C8A: variants seen among roughly 807,000 people sequenced by gnomAD.
The protein encoded by C8A is complement component C8 alpha chain.
C8A carries 67 observed loss-of-function variants against 65.3 expected under a neutral mutation model. The ratio of observed to expected loss-of-function variants is 1.03; its 90% confidence interval spans 0.84 to 1.26. C8A has a LOEUF of 1.26. Among genes scored for constraint, C8A ranks in the 50% most tolerant of loss-of-function variants. C8A has a pLI of 0.00. For missense variants in C8A, 781 were observed against 723.9 expected (o/e 1.08, Z -0.90); for synonymous variants, 290 against 259.4 (o/e 1.12, Z -1.13).
intron 2 of C8A, among the ~76,000 whole-genome samples, chr1:56,868,445 CA>C (rs920802231): frequency 1.6e-4 from 25 of 151,578 alleles, no homozygotes; most frequent in Non-Finnish European, 2.4e-4. Flanking sequence ...TTAGTCTCTA[CA>C]AAAAATACAC....
intron 7 of C8A, among the ~76,000 whole-genome samples, chr1:56,891,878 C>T (rs1160247592): frequency 6.6e-6 from 1 of 152,020 alleles, no homozygotes; most frequent in Non-Finnish European, 1.5e-5. Flanking sequence ...TATTTAAGTG[C>T]ATATTATAAT....
Position 56,881,453 on chromosome 1 carries a change from T to G in C8A, c.473T>G (p.Ile158Ser). The G allele has an allele frequency of 6.2e-7, 1 of 1,613,630 alleles. No homozygotes were observed. The highest frequency in any genetic ancestry group is 8.5e-7 in the Non-Finnish European group (1 of 1,179,652). ...TGCTTTGTTCCATGTAGGTACAATA[T>G]CCTGACCCAGGAAGATGCTCAGAGT... is the stretch of plus-strand genomic sequence containing the variant. ...GSQKAALGYN[I>S]LTQEDAQSVY... The change falls in exon 5 of 11, where the codon ATC becomes AGC. Residue 158 changes from isoleucine (I) to serine (S), a missense_variant. By Grantham distance (142) the Ile-to-Ser change is moderately radical. Coordinates refer to ENST00000361249, the MANE Select transcript of C8A (RefSeq NM_000562.3).
intron 2 of C8A, among the ~76,000 whole-genome samples, chr1:56,871,335 A>G (rs984224785): frequency 1.3e-5 from 2 of 152,190 alleles, no homozygotes; most frequent in Non-Finnish European, 2.9e-5. Context: ...ACCGCTCCAC[A>G]CTACTGCCTC....
rs754227627 is a variant in C8A at position 56,912,418 on chromosome 1, G to A, written c.1396G>A (p.Glu466Lys). The change falls in exon 10 of 11, where the codon GAG becomes AAG. Residue 466 changes from glutamate (E) to lysine (K), a missense_variant. Coordinates refer to ENST00000361249, the MANE Select transcript of C8A (RefSeq NM_000562.3). ...GTGCCCACAGATGCAGCCTATCCACGAGGTGCTGCGGCACACAAGCCTGGG... is the reference window on the plus strand; with the variant it reads ...GTGCCCACAGATGCAGCCTATCCACAAGGTGCTGCGGCACACAAGCCTGGG... ...VIDFEMQPIH[E>K]VLRHTSLGPL... 16 of 1,614,024 alleles carry A rather than the reference G, an allele frequency of 9.9e-6. No individual in the cohort carries two copies. Among genetic ancestry groups the A allele is most frequent in the African/African-American group, 2.7e-5 (2 of 74,930 alleles).
chr1:56,873,497 G>T (rs1474590179), intron 2 of C8A, among the ~76,000 whole-genome samples: 1 of 152,124 alleles, frequency 6.6e-6, no homozygotes, highest in African/African-American at 2.4e-5. Context: ...TCTGTCAACT[G>T]CAGGACACAG....
At chr1:56,872,013 C>T (rs531682858) in intron 2 of C8A, among the ~76,000 whole-genome samples, 1 of 152,262 alleles carries the variant, frequency 6.6e-6, no homozygotes, top group African/African-American at 2.4e-5. Flanking sequence ...ACTGTGAACT[C>T]ATCACCCCAT....
chr1:56,886,817 T>C (rs1235264468), intron 7 of C8A, among the ~76,000 whole-genome samples: 1 of 152,210 alleles, frequency 6.6e-6, no homozygotes, highest in South Asian at 2.1e-4. Flanking sequence ...GAATAAAGAC[T>C]ATTAGCATCG....
intron 4 of C8A, among the ~76,000 whole-genome samples, chr1:56,879,343 A>G (rs1644229013): frequency 6.6e-6 from 1 of 152,358 alleles, no homozygotes; most frequent in African/African-American, 2.4e-5. Flanking sequence ...ATTTCTGCAT[A>G]GTAGATTTCC....
rs1644565877 is a variant in C8A, at chr1:56,917,793, A to G, written c.*77A>G. The G allele has an allele frequency of 6.4e-6, 10 of 1,555,268 alleles. No homozygotes were observed. Among genetic ancestry groups the G allele is most frequent in the African/African-American group, 1.4e-5 (1 of 73,808 alleles). On this transcript the variant is annotated 3_prime_UTR_variant, in exon 11 of 11. Transcript: ENST00000361249. Reference sequence around the variant, plus strand: ...TGACTATTGGATAAAGACTTCTTTCAACTAAGAGAAGATGCAAATCAGCAC... The same window carrying G: ...TGACTATTGGATAAAGACTTCTTTCGACTAAGAGAAGATGCAAATCAGCAC...
intron 4 of C8A, among the ~76,000 whole-genome samples, chr1:56,878,525 T>C (rs140916683): frequency 1.1e-3 from 167 of 152,314 alleles, no homozygotes; most frequent in Middle Eastern, 3.4e-3. Flanking sequence ...CACTGAATAC[T>C]GAAACTGGTA....
At chr1:56,897,903 A>G (rs527728286) in intron 7 of C8A, among the ~76,000 whole-genome samples, 1 of 152,292 alleles carries the variant, frequency 6.6e-6, no homozygotes, top group East Asian at 1.9e-4. Context: ...AGAAATGTGC[A>G]GTCAGTTGGG....
At chr1:56,896,624 T>A (rs1044434285) in intron 7 of C8A, among the ~76,000 whole-genome samples, 7 of 152,222 alleles carry the variant, frequency 4.6e-5, no homozygotes, top group Admixed American at 1.3e-4. Flanking sequence ...TTTAAATGTT[T>A]ATCTCACCCA....
intron 3 of C8A, among the ~76,000 whole-genome samples, chr1:56,875,773 C>G (rs921841142): frequency 6.6e-6 from 1 of 151,996 alleles, no homozygotes; most frequent in African/African-American, 2.4e-5. Context: ...AATGGAGAAC[C>G]ACTGGAGGAT....
In C8A at chr1:56,854,851, T is replaced by C. The variant is rs774336945; in HGVS notation, c.-51T>C. 2 of 1,510,318 alleles carry C rather than the reference T, an allele frequency of 1.3e-6. No homozygotes were observed. The highest frequency in any genetic ancestry group is 1.8e-6 in the Non-Finnish European group (2 of 1,091,584). The allele number at this position is 1,510,318 out of a possible 1,614,324, so 93.6% of individuals were successfully genotyped here. On this transcript the variant is annotated 5_prime_UTR_variant, in exon 1 of 11. Coordinates refer to ENST00000361249, the MANE Select transcript of C8A (RefSeq NM_000562.3). ...ACATCTTTTACTCCAATTTCCTGAA[T>C]AGATAGCTTTATTCCTTCAAGGTAA...
rs1644250046 is a variant in C8A, at chr1:56,881,694, C to A, written c.654+60C>A. ...GGTGTAGGTGGCAGAGAGGCAGAGGCCTATTTGTGGAGATGACTTGCTCTG... is the reference window on the plus strand; with the variant it reads ...GGTGTAGGTGGCAGAGAGGCAGAGGACTATTTGTGGAGATGACTTGCTCTG... On this transcript the variant is annotated intron_variant, in intron 5 of 10. Transcript: ENST00000361249. 9.4e-6 allele frequency: 14 copies of A among 1,490,534 alleles called. No individual in the cohort carries two copies. The South Asian group carries it at 1.2e-4, about 13-fold the overall frequency. 92.3% of individuals were successfully genotyped at this position (1,490,534 alleles called of 1,614,324 possible).
intron 6 of C8A, among the ~76,000 whole-genome samples, chr1:56,885,399 AAT>A (rs1275980060): frequency 5.5e-5 from 6 of 108,994 alleles, no homozygotes; most frequent in South Asian, 6.4e-4. Context: ...TATTTAAATA[AAT>A]ATATATTTAT....
chr1:56,885,496 A>ATATATTTATTTAAATATATATT (rs1310578372), intron 6 of C8A, among the ~76,000 whole-genome samples: 31 of 111,486 alleles, frequency 2.8e-4, no homozygotes, highest in East Asian at 7.8e-4. Flanking sequence ...ATTTACGTAA[A>ATATATTTATTTAAATATATATT]TACATATATA....
chr1:56,900,901 T>C (rs558610522), intron 7 of C8A, among the ~76,000 whole-genome samples: 7 of 152,254 alleles, frequency 4.6e-5, no homozygotes, highest in African/African-American at 1.7e-4. Flanking sequence ...CTAAATACTA[T>C]GCTGGAGAGA....
At chr1:56,862,219 C>T (rs563172843) in intron 1 of C8A, among the ~76,000 whole-genome samples, 30 of 152,270 alleles carry the variant, frequency 2.0e-4, no homozygotes, top group Middle Eastern at 3.4e-3. Flanking sequence ...GTCTTGCAAA[C>T]GATTTTCCCT....
Sources: gnomAD v4.1 joint callset for allele counts (sites outside exome capture counted in the v4.1 genomes callset) on GRCh38, gnomAD v4.1.1 for gene constraint, MANE v1.5 for transcripts, NCBI Gene and HGNC (gene_info 2026-07-23, HGNC 2026-07-21) for gene names.